Variants in ULK4 observed in about 807,000 individuals in gnomAD.
ULK4 encodes the protein inactive serine/threonine-protein kinase ULK4.
Under a neutral mutation model 160.6 loss-of-function variants are expected in ULK4, and 133 were observed. The ratio of observed to expected loss-of-function variants is 0.83; its 90% confidence interval spans 0.72 to 0.96. The LOEUF (loss-of-function observed/expected upper bound fraction) is 0.96. ULK4 is among the 40% of genes least tolerant of loss of function. The pLI is 0.00. For missense variants in ULK4, 1,580 were observed against 1,499.5 expected (o/e 1.05, Z -0.89); for synonymous variants, 534 against 539.8 (o/e 0.99, Z 0.15).
chr3:41,379,680 AC>A (rs2081603715), intron 35 of ULK4, among the ~76,000 whole-genome samples: 1 of 152,138 alleles, frequency 6.6e-6, no homozygotes, highest in Admixed American at 6.5e-5. Context: ...CTGGAAGGAG[AC>A]CATGTGGTTT....
intron 30 of ULK4, among the ~76,000 whole-genome samples, chr3:41,617,664 G>C (rs768637588): frequency 5.3e-5 from 8 of 152,162 alleles, no homozygotes; most frequent in Non-Finnish European, 7.3e-5. Flanking sequence ...GAAGATGAGG[G>C]AAAGTCAGCA....
chr3:41,335,576 G>C (rs2080536741), intron 35 of ULK4, among the ~76,000 whole-genome samples: 1 of 152,032 alleles, frequency 6.6e-6, no homozygotes, highest in Admixed American at 6.6e-5. Flanking sequence ...GATGACACAA[G>C]ATATAAGAAA....
At chr3:41,801,136 G>A (rs573729718) in intron 19 of ULK4, among the ~76,000 whole-genome samples, 2 of 152,074 alleles carry the variant, frequency 1.3e-5, no homozygotes, top group South Asian at 4.1e-4. Flanking sequence ...CATAAGGAGA[G>A]AAACAAAAGA....
intron 17 of ULK4, among the ~76,000 whole-genome samples, chr3:41,882,914 T>C (rs557885268): frequency 6.6e-6 from 1 of 152,292 alleles, no homozygotes; most frequent in South Asian, 2.1e-4. Flanking sequence ...GACAAAAATC[T>C]ACCTGACACA....
chr3:41,797,029 T>C (rs1428115594), intron 20 of ULK4, among the ~76,000 whole-genome samples: 2 of 152,174 alleles, frequency 1.3e-5, no homozygotes, highest in Non-Finnish European at 2.9e-5. Flanking sequence ...GCAGTAATAG[T>C]ATCACATTAC....
chr3:41,795,294 G>A (rs1386960184), intron 20 of ULK4, among the ~76,000 whole-genome samples: 1 of 152,130 alleles, frequency 6.6e-6, no homozygotes, highest in Non-Finnish European at 1.5e-5. Flanking sequence ...TGATGTTAGA[G>A]TAACTGTATA....
chr3:41,385,702 G>C (rs1340284352), intron 35 of ULK4, among the ~76,000 whole-genome samples: 3 of 152,174 alleles, frequency 2.0e-5, no homozygotes, highest in Non-Finnish European at 4.4e-5. Flanking sequence ...GCTACACCGT[G>C]AAACTTTAAA....
At chr3:41,518,601 C>T (rs1495693) in intron 32 of ULK4, among the ~76,000 whole-genome samples, 127,044 of 152,182 alleles carry the variant, frequency 0.83, 54,476 homozygotes, top group Non-Finnish European at 0.94. Context: ...AATGTCCTAC[C>T]GTTTGCTGAA....
At chr3:41,290,909 G>T (rs2079547321) in intron 35 of ULK4, among the ~76,000 whole-genome samples, 1 of 152,180 alleles carries the variant, frequency 6.6e-6, no homozygotes. Context: ...CATGACATTT[G>T]GAAGGCAGAC....
intron 18 of ULK4, among the ~76,000 whole-genome samples, chr3:41,825,232 G>A (rs925045924): frequency 1.3e-5 from 2 of 152,138 alleles, no homozygotes; most frequent in Non-Finnish European, 1.5e-5. Context: ...CAGAAAAACT[G>A]GAAACTCTAA....
At chr3:41,936,062 C>T in intron 3 of ULK4, 122 bp from the exon 4 acceptor site, 2 of 1,287,562 alleles carry the variant, frequency 1.6e-6, no homozygotes, top group Non-Finnish European at 2.1e-6. Flanking sequence ...CGCTGACAGC[C>T]TGGTCAAGGA....
chr3:41,930,633 A>C lies in ULK4; in HGVS notation c.541+1211T>G, dbSNP rs570965776. ...TCCAGAGTCTACAAGAAATTTAAAC[A>C]AATTTACAAGAAAAAAGCAAACAAC... On this transcript the variant is annotated intron_variant, in intron 5 of 36. Coordinates refer to ENST00000301831, the MANE Select transcript of ULK4 (RefSeq NM_017886.4). 2.4e-4 allele frequency among the ~76,000 whole-genome samples: 37 copies of C among 152,342 alleles called. No individual in the cohort carries two copies. In the South Asian group the frequency reaches 6.8e-3, roughly 28 times the overall value.
intron 30 of ULK4, among the ~76,000 whole-genome samples, chr3:41,640,680 T>G (rs1381515507): frequency 6.6e-6 from 1 of 152,188 alleles, no homozygotes; most frequent in East Asian, 1.9e-4. Flanking sequence ...GCCAAAGGCA[T>G]AGTGTACCTG....
intron 35 of ULK4, among the ~76,000 whole-genome samples, chr3:41,285,773 C>T (rs982445942): frequency 3.3e-5 from 5 of 152,202 alleles, no homozygotes; most frequent in African/African-American, 1.2e-4. Flanking sequence ...GGCAAAATAT[C>T]ATTTCTACCT....
intron 18 of ULK4, among the ~76,000 whole-genome samples, chr3:41,832,282 T>C (rs2041618565): frequency 2.0e-5 from 3 of 152,234 alleles, no homozygotes; most frequent in South Asian, 2.1e-4. Flanking sequence ...TGCATTTCTC[T>C]AATCATCAGT....
At chr3:41,662,753 A>G (rs2035218804) in intron 30 of ULK4, among the ~76,000 whole-genome samples, 1 of 152,078 alleles carries the variant, frequency 6.6e-6, no homozygotes, top group African/African-American at 2.4e-5. Flanking sequence ...TTGAAAGCAA[A>G]AAGAACCTCT....
At chr3:41,565,582 C>T (rs772511951) in intron 32 of ULK4, among the ~76,000 whole-genome samples, 2 of 152,168 alleles carry the variant, frequency 1.3e-5, no homozygotes, top group African/African-American at 2.4e-5. Flanking sequence ...ATGTGATGCC[C>T]TACACTGCCT....
chr3:41,810,020 A>C (rs1233278870), intron 19 of ULK4, among the ~76,000 whole-genome samples: 1 of 152,222 alleles, frequency 6.6e-6, no homozygotes, highest in African/African-American at 2.4e-5. Flanking sequence ...TCTTGATCAC[A>C]TTCAGCTAAT....
chr3:41,914,286 T>C (rs1410477036), intron 8 of ULK4, among the ~76,000 whole-genome samples: 1 of 150,406 alleles, frequency 6.6e-6, no homozygotes, highest in Non-Finnish European at 1.5e-5. Flanking sequence ...ACACAAATAA[T>C]AGAATTTGCA....
Sources: allele counts gnomAD v4.1 joint callset (sites outside exome capture counted in the v4.1 genomes callset), GRCh38; gene constraint gnomAD v4.1.1; transcripts MANE v1.5; gene names NCBI Gene and HGNC (gene_info 2026-07-23, HGNC 2026-07-21).